Variants in ING5 observed in about 807,000 individuals in gnomAD.
The protein encoded by ING5 is inhibitor of growth protein 5.
Under a neutral mutation model 37.4 loss-of-function variants are expected in ING5, and 17 were observed. The ratio of observed to expected loss-of-function variants is 0.45; its 90% confidence interval spans 0.31 to 0.68. The LOEUF is 0.68. Ranked by LOEUF, ING5 falls within the 30% of genes least tolerant of loss-of-function variation. ING5 has a pLI of 0.05. For synonymous variants in ING5, 123 were observed against 116.6 expected, an observed-to-expected ratio of 1.06 and a Z score of -0.36; for missense variants, 233 against 311.9, an observed-to-expected ratio of 0.75 and a Z score of 1.91.
chr2:241,702,647 G>A (rs2069779569), intron 1 of ING5, among the ~76,000 whole-genome samples: 1 of 152,216 alleles, frequency 6.6e-6, no homozygotes. Flanking sequence ...TGGGGACTGC[G>A]GCGCGGAGGC....
At chr2:241,716,193 C>T (rs1349735152) in intron 5 of ING5, among the ~76,000 whole-genome samples, 1 of 151,602 alleles carries the variant, frequency 6.6e-6, no homozygotes, top group Non-Finnish European at 1.5e-5. Context: ...TCTGTTTGTT[C>T]CTTCTGCTCC....
At position 241,690,632 on chromosome 2, in the gene ING5, C is replaced by T. The variant is rs1237975399; in HGVS notation, c.22C>T (p.Arg8Ter). 7 of 398,452 alleles carry T rather than the reference C, an allele frequency of 1.8e-5. No homozygotes were observed. The highest frequency in any genetic ancestry group is 2.5e-4 in the South Asian group (2 of 7,854). The allele number at this position is 398,452 out of a possible 1,614,324, so 24.7% of individuals were successfully genotyped here. ...AGCAATGGGAGCAAGAGTCACTCCA[C>T]GAGACTCTGGAGGCCTGATAGGTGA... The change falls in exon 2 of 8, where the codon CGA becomes TGA. Residue 8 changes from arginine (R) to a stop codon, truncating the protein, a stop_gained. Transcript: ENST00000636051. LOFTEE classifies it high-confidence loss of function.
chr2:241,701,306 G>T (rs567997662), upstream of ING5, among the ~76,000 whole-genome samples: 1 of 147,640 alleles, frequency 6.8e-6, no homozygotes, highest in African/African-American at 2.4e-5. Context: ...ACCTTTGCAC[G>T]CCATCTTATT....
At chr2:241,703,710 A>T (rs999999993) in intron 1 of ING5, among the ~76,000 whole-genome samples, 2 of 151,954 alleles carry the variant, frequency 1.3e-5, no homozygotes, top group Non-Finnish European at 2.9e-5. Context: ...GGTTCAAGCA[A>T]TTCTCATGCC....
chr2:241,696,413 A>AC (rs1479240078), intron 2 of ING5, among the ~76,000 whole-genome samples: 2 of 151,180 alleles, frequency 1.3e-5, no homozygotes, highest in Non-Finnish European at 3.0e-5. Flanking sequence ...AAAAACAAAA[A>AC]CCCCCCAAAA....
At chr2:241,721,923 C>T in intron 5 of ING5, 1 of 985,692 alleles carries the variant, frequency 1.0e-6, no homozygotes, top group Non-Finnish European at 1.2e-6. Flanking sequence ...GAACACCTGC[C>T]AGGCTGCTGT....
intron 5 of ING5, chr2:241,720,860 G>GGCCACACGCCATGGCGCTCCCTC: frequency 5.1e-6 from 5 of 985,738 alleles, no homozygotes; most frequent in Non-Finnish European, 6.0e-6. Flanking sequence ...AGCACTCCCT[G>GGCCACACGCCATGGCGCTCCCTC]GCCACACGCC....
chr2:241,699,116 C>T (rs1208287393), upstream of ING5, among the ~76,000 whole-genome samples: 1 of 151,836 alleles, frequency 6.6e-6, no homozygotes, highest in Non-Finnish European at 1.5e-5. Context: ...CCTCTGCCTC[C>T]TAGGTTCAAA....
Position 241,725,341 on chromosome 2 carries a change from G to A in ING5, c.*310G>A. The A allele has an allele frequency of 5.0e-6, 2 of 398,314 alleles. No homozygotes were observed. Among genetic ancestry groups the A allele is most frequent in the South Asian group, 4.9e-5 (2 of 41,180 alleles). 24.7% of individuals were successfully genotyped at this position (398,314 alleles called of 1,614,324 possible). A position where few individuals can be genotyped will look rare whatever the true frequency, so the allele number is the denominator to read the frequency against. On this transcript the variant is annotated 3_prime_UTR_variant, in exon 8 of 8. Transcript: ENST00000313552. Reference sequence around the variant, plus strand: ...GCTGCCCGGCCGGGCGTGCGGGCGGGGACATGGTAACCTGGTCCACGGAGG... The same window carrying A: ...GCTGCCCGGCCGGGCGTGCGGGCGGAGACATGGTAACCTGGTCCACGGAGG...
At chr2:241,698,054 T>C (rs2069655699), upstream of ING5, among the ~76,000 whole-genome samples, 2 of 133,062 alleles carry the variant, frequency 1.5e-5, no homozygotes. Flanking sequence ...TTGCACTCCA[T>C]CCTGGGCGAA....
At chr2:241,690,562 G>T (rs2069535425) in exon 2 of ING5, 1 of 398,356 alleles carries the variant, frequency 2.5e-6, no homozygotes, top group Non-Finnish European at 4.4e-6. Context: ...CCTTCGTACT[G>T]CCACTGACAG....
intron 5 of ING5, chr2:241,721,571 C>G (rs949453341): frequency 1.0e-6 from 1 of 985,466 alleles, no homozygotes; most frequent in Non-Finnish European, 1.2e-6. Flanking sequence ...TTGATTCCCT[C>G]TGGGACCCAG....
intron 5 of ING5, chr2:241,719,375 C>A: frequency 5.9e-6 from 4 of 673,908 alleles, no homozygotes; most frequent in South Asian, 1.7e-5. Context: ...CCCCCCAACA[C>A]CCCCCACTCT....
chr2:241,715,693 G>A (rs2070246286), intron 5 of ING5, among the ~76,000 whole-genome samples: 1 of 151,720 alleles, frequency 6.6e-6, no homozygotes, highest in African/African-American at 2.4e-5. Context: ...CACCATGTTG[G>A]CCAGGCTGGT....
chr2:241,722,432 G>A lies in ING5; in HGVS notation c.483-507G>A, dbSNP rs921044670. The stretch of plus-strand genomic sequence containing the variant: ...GCTGTGGGTGAGTGCTGCGCTTCAC[G>A]GCCTCCTGGGGGCCCTCTGTGCCCC... On this transcript the variant is annotated intron_variant, in intron 5 of 7. Coordinates refer to ENST00000313552, the MANE Select transcript of ING5 (RefSeq NM_032329.6). 25 of 985,366 alleles carry A rather than the reference G, an allele frequency of 2.5e-5. 2 individuals are homozygous for A. The Middle Eastern group carries it at 1.6e-3, about 62-fold the overall frequency. The allele number at this position is 985,366 out of a possible 1,614,324, so 61.0% of individuals were successfully genotyped here. A position where few individuals can be genotyped will look rare whatever the true frequency, so the allele number is the denominator to read the frequency against.
At chr2:241,719,918 G>A (rs2070386504) in intron 5 of ING5, 49 of 1,313,000 alleles carry the variant, frequency 3.7e-5, no homozygotes, top group Non-Finnish European at 4.6e-5. Context: ...CAGTTGCGGG[G>A]CCCTGCGGCT....
chr2:241,712,085 C>T lies in ING5; in HGVS notation c.482+14C>T, dbSNP rs368670160. On this transcript the variant is annotated intron_variant, in intron 5 of 7. Transcript: ENST00000313552. ...GCACAAAGGAGGGTAAGAGGCTTTC[C>T]CCTCTTTTTCCCAAAAGAACGAATA... 4.8e-5 allele frequency: 76 copies of T among 1,567,208 alleles called. No individual in the cohort carries two copies. In the African/African-American group the frequency reaches 8.2e-4, roughly 17 times the overall value.
chr2:241,710,399 C>T (rs1425297588), intron 3 of ING5, among the ~76,000 whole-genome samples: 1 of 150,522 alleles, frequency 6.6e-6, no homozygotes, highest in Non-Finnish European at 1.5e-5. Flanking sequence ...ACTTCCCAGG[C>T]TCAAGCGATT....
At chr2:241,705,916 G>C (rs1344366011) in intron 2 of ING5, among the ~76,000 whole-genome samples, 1 of 152,048 alleles carries the variant, frequency 6.6e-6, no homozygotes, top group Non-Finnish European at 1.5e-5. Flanking sequence ...ACTTCCATTG[G>C]GCAGCTGTGT....
Sources: allele counts gnomAD v4.1 joint callset (sites outside exome capture counted in the v4.1 genomes callset), GRCh38; gene constraint gnomAD v4.1.1; transcripts MANE v1.5; gene names NCBI Gene and HGNC (gene_info 2026-07-23, HGNC 2026-07-21).